Variants in RADX observed in about 807,000 individuals in gnomAD.
RADX encodes the protein RPA1 related single stranded DNA binding protein, X-linked, also known as RPA-related protein RADX.
Under a neutral mutation model 61.6 loss-of-function variants are expected in RADX, and 36 were observed. The ratio of observed to expected loss-of-function variants is 0.58; its 90% CI spans 0.45 to 0.77. RADX has a LOEUF of 0.77. RADX is among the 30% of genes least tolerant of loss of function. The pLI, the probability that RADX is intolerant of heterozygous loss-of-function variation, is 0.00. For synonymous variants in RADX, 272 were observed against 237.9 expected (o/e 1.14, Z -1.32); for missense variants, 497 against 651.1 (o/e 0.76, Z 2.58).
chrX:106,647,095 T>C (rs767641929), intron 10 of RADX, among the ~76,000 whole-genome samples: 78 of 110,617 alleles, frequency 7.1e-4, no homozygotes, highest in Middle Eastern at 9.2e-3. Context: ...TCTTTCTATA[T>C]TTTTGTACCC....
At chrX:106,640,809 T>C in intron 10 of RADX, 88 bp downstream of exon 10, 1 of 644,361 alleles carries the variant, frequency 1.6e-6, no homozygotes, top group Admixed American at 4.1e-5. Flanking sequence ...TCGTAGAAGC[T>C]GTATTAATTT....
intron 12 of RADX, among the ~76,000 whole-genome samples, chrX:106,667,879 A>G (rs1928270427): frequency 8.9e-6 from 1 of 111,805 alleles, no homozygotes; most frequent in Non-Finnish European, 1.9e-5. Flanking sequence ...TTAAAAAATA[A>G]AATTAATGAT....
intron 11 of RADX, among the ~76,000 whole-genome samples, chrX:106,656,337 C>A (rs1222223573): frequency 9.0e-6 from 1 of 111,619 alleles, no homozygotes; most frequent in East Asian, 2.8e-4. Context: ...AAGTGTTGAA[C>A]ACCTCAAAGT....
In RADX at chrX:106,632,616, A is replaced by G; in HGVS notation, c.980-9A>G. On this transcript the variant is annotated splice_polypyrimidine_tract_variant and intron_variant, in intron 3 of 13. Coordinates refer to ENST00000372548, the MANE Select transcript of RADX (RefSeq NM_018015.6). Reference sequence around the variant, plus strand: ...AATAGCATATTAAAGTAATATATTTATTTTTCAGAAATCTGCCTGAATCTT... The same window carrying G: ...AATAGCATATTAAAGTAATATATTTGTTTTTCAGAAATCTGCCTGAATCTT... The G allele has an allele frequency of 9.0e-7, 1 of 1,115,036 alleles. No homozygotes were observed. Among genetic ancestry groups the G allele is most frequent in the Non-Finnish European group, 1.2e-6 (1 of 814,839 alleles). The allele number at this position is 1,115,036 out of a possible 1,213,427, so 91.9% of individuals were successfully genotyped here.
At chrX:106,669,838 T>C (rs1275081998) in intron 13 of RADX, among the ~76,000 whole-genome samples, 1 of 112,196 alleles carries the variant, frequency 8.9e-6, no homozygotes, top group African/African-American at 3.2e-5. Context: ...ATTGTTTAGG[T>C]TGCTGCATAA....
At chrX:106,670,177 A>C (rs1928330141) in intron 13 of RADX, among the ~76,000 whole-genome samples, 1 of 104,035 alleles carries the variant, frequency 9.6e-6, no homozygotes, top group African/African-American at 4.1e-5. Flanking sequence ...ATTTTATAAG[A>C]GATGATTTTT....
intron 13 of RADX, among the ~76,000 whole-genome samples, chrX:106,674,036 G>A (rs769941138): frequency 2.2e-4 from 24 of 111,096 alleles, no homozygotes; most frequent in African/African-American, 7.5e-4. Flanking sequence ...GCACCGGGGT[G>A]GGGGGTGGTA....
intron 13 of RADX, among the ~76,000 whole-genome samples, chrX:106,674,854 T>C (rs1031448006): frequency 3.6e-5 from 4 of 110,464 alleles, no homozygotes; most frequent in Admixed American, 9.6e-5. Flanking sequence ...TGAAACCCCG[T>C]CTCTACTAAA....
intron 2 of RADX, among the ~76,000 whole-genome samples, chrX:106,624,618 T>C (rs931656120): frequency 2.7e-5 from 3 of 111,659 alleles, no homozygotes; most frequent in African/African-American, 9.8e-5. Context: ...CCTATATATA[T>C]TTTAGCTATT....
At chrX:106,669,355 C>T in intron 13 of RADX, 25 bp downstream of exon 13, 14 of 1,075,816 alleles carry the variant, frequency 1.3e-5, no homozygotes, top group Non-Finnish European at 1.7e-5. Context: ...GTGTTCTTTT[C>T]ACTCAGAAAA....
In RADX at chrX:106,612,421, T is replaced by C; in HGVS notation, c.341T>C (p.Leu114Ser). 1 of 1,211,526 alleles carries C rather than the reference T, an allele frequency of 8.3e-7. No individual in the cohort carries two copies. The highest frequency in any genetic ancestry group is 1.1e-6 in the Non-Finnish European group (1 of 895,337). The stretch of plus-strand genomic sequence containing the variant: ...GAGAAGTGCTACCTGGACCCCAGCT[T>C]GAACTCTCTCGTATATCAAAATATT... ...YQEKCYLDPS[L>S]NSLVYQNILK... The change falls in exon 1 of 14, where the codon TTG becomes TCG. Residue 114 changes from leucine (L) to serine (S), a missense_variant. Transcript: ENST00000372548.
intron 1 of RADX, among the ~76,000 whole-genome samples, chrX:106,617,711 A>T (rs1006527997): frequency 2.7e-5 from 3 of 111,910 alleles, no homozygotes; most frequent in African/African-American, 9.8e-5. Flanking sequence ...TAGGACAATG[A>T]TACTCAAATG....
intron 3 of RADX, among the ~76,000 whole-genome samples, chrX:106,626,392 G>A (rs924540572): frequency 8.9e-6 from 1 of 111,931 alleles, no homozygotes. Flanking sequence ...ACATTGGTCA[G>A]ATCTTGCTAG....
chrX:106,624,216 T>C (rs1927024021), intron 2 of RADX, among the ~76,000 whole-genome samples: 1 of 111,931 alleles, frequency 8.9e-6, no homozygotes, highest in Non-Finnish European at 1.9e-5. Flanking sequence ...TCTTTCCATG[T>C]ATACCCATAT....
At chrX:106,661,395 T>C (rs1476266025) in intron 11 of RADX, among the ~76,000 whole-genome samples, 1 of 106,234 alleles carries the variant, frequency 9.4e-6, no homozygotes, top group East Asian at 2.9e-4. Context: ...GGTTTTTTTG[T>C]TTTGTTTTGT....
At chrX:106,626,405 G>A (rs145327594) in intron 3 of RADX, among the ~76,000 whole-genome samples, 2,302 of 111,904 alleles carry the variant, frequency 0.021, 23 homozygotes, top group Middle Eastern at 0.065. Context: ...CTTGCTAGAT[G>A]AAGAAGTTAT....
At chrX:106,637,097 G>A (rs767577992) in intron 7 of RADX, among the ~76,000 whole-genome samples, 67 of 111,606 alleles carry the variant, frequency 6.0e-4, no homozygotes, top group Non-Finnish European at 1.1e-3. Flanking sequence ...TTGTCTGCAA[G>A]TATATTGTTT....
In RADX at chrX:106,668,246, T is replaced by C. The variant is rs182023956; in HGVS notation, c.2270-917T>C. ...CCCATACTCAGTACTTAGGAATCAC[T>C]ATAAGGGATGAATCAGAGAGATATT... On this transcript the variant is annotated intron_variant, in intron 12 of 13. Coordinates refer to ENST00000372548, the MANE Select transcript of RADX (RefSeq NM_018015.6). Among the ~76,000 whole-genome samples the C allele has an allele frequency of 4.5e-5, 5 of 112,059 alleles. No homozygotes were observed. In the East Asian group the frequency reaches 1.4e-3, roughly 31 times the overall value.
chrX:106,616,696 C>G (rs763832882), intron 1 of RADX, among the ~76,000 whole-genome samples: 102 of 110,406 alleles, frequency 9.2e-4, no homozygotes, highest in African/African-American at 3.4e-3. Flanking sequence ...GAAATAATTA[C>G]ACTCCAACCC....
Sources: gnomAD v4.1 joint callset for allele counts (sites outside exome capture counted in the v4.1 genomes callset) on GRCh38, gnomAD v4.1.1 for gene constraint, MANE v1.5 for transcripts, NCBI Gene and HGNC (gene_info 2026-07-23, HGNC 2026-07-21) for gene names.